Variants in ODF2 observed in about 807,000 individuals in gnomAD.
ODF2 encodes outer dense fiber protein 2.
ODF2 carries 47 observed loss-of-function variants against 110.2 expected under a neutral mutation model. That is an observed-to-expected ratio of 0.43 (90% CI 0.34 to 0.54). The LOEUF (loss-of-function observed/expected upper bound fraction) is 0.54, where lower values mean the gene tolerates loss of function less well. Among genes scored for constraint, ODF2 ranks in the 20% least tolerant of loss-of-function variants. The pLI is 0.03. For synonymous variants in ODF2, 352 were observed against 397.7 expected, an observed-to-expected ratio of 0.89 and a Z score of 1.37; for missense variants, 812 against 1,054.5, an observed-to-expected ratio of 0.77 and a Z score of 3.19.
chr9:128,467,941 C>T (rs768127111), intron 4 of ODF2, among the ~76,000 whole-genome samples: 13 of 152,086 alleles, frequency 8.5e-5, no homozygotes, highest in Admixed American at 6.6e-5. Context: ...GTGATCCGCC[C>T]GCCTTGGCCT....
intron 13 of ODF2, among the ~76,000 whole-genome samples, chr9:128,486,717 T>C (rs1376697793): frequency 1.3e-5 from 2 of 152,150 alleles, no homozygotes; most frequent in Non-Finnish European, 2.9e-5. Context: ...GCTTCTAAGT[T>C]GGCGTCTTTC....
rs369649397 is a variant in ODF2, at chr9:128,492,830, T to C, written c.1752+25T>C. 91 of 1,577,948 alleles carry C rather than the reference T, an allele frequency of 5.8e-5. No individual in the cohort carries two copies. In the African/African-American group the frequency reaches 1.1e-3, roughly 19 times the overall value. On this transcript the variant is annotated intron_variant, in intron 16 of 20. Coordinates refer to ENST00000604420, the Ensembl canonical transcript of ODF2. ...GGTACTGCTTTCCTTCCTTGTTTTC[T>C]TCTCCTACCCAATTCCATATCTAAC...
chr9:128,476,128 A>G (rs1028019479), intron 8 of ODF2, among the ~76,000 whole-genome samples: 1 of 152,030 alleles, frequency 6.6e-6, no homozygotes, highest in Non-Finnish European at 1.5e-5. Context: ...GTTGATGGAC[A>G]CTTAGGTTGA....
exon 3 of ODF2, chr9:128,459,629 C>A (rs754240664): frequency 6.2e-7 from 1 of 1,613,904 alleles, no homozygotes; most frequent in Admixed American, 1.7e-5. Flanking sequence ...TTGAGAGCAC[C>A]TTGTGGCGCA....
At position 128,460,597 on chromosome 9, in the gene ODF2, C is replaced by T. The variant is rs148610800; in HGVS notation, c.124-345C>T. ...CTTCAACTCCCCCCTTACATGTTCA[C>T]GTGGATGAGAACACCCCTGTCCACG... On this transcript the variant is annotated intron_variant, in intron 3 of 20. Coordinates refer to ENST00000604420, the Ensembl canonical transcript of ODF2. The T allele has an allele frequency of 6.2e-6, 10 of 1,613,832 alleles. No homozygotes were observed. In the African/African-American group the frequency reaches 6.7e-5, roughly 11 times the overall value.
intron 8 of ODF2, among the ~76,000 whole-genome samples, chr9:128,480,771 C>T (rs1356255992): frequency 6.6e-6 from 1 of 152,056 alleles, no homozygotes; most frequent in Non-Finnish European, 1.5e-5. Flanking sequence ...GAGCCGAGAT[C>T]GTGCCATCGC....
chr9:128,482,780 T>C (rs1157631125), intron 9 of ODF2, 36 bp from the exon 10 acceptor site: 1 of 1,589,370 alleles, frequency 6.3e-7, no homozygotes, highest in Non-Finnish European at 8.6e-7. Flanking sequence ...TCTTTGCCCT[T>C]CCCAGGGGCA....
At position 128,484,693 on chromosome 9, in the gene ODF2, C is replaced by G. The variant is rs1436641881; in HGVS notation, c.1105-8C>G. 2 of 1,555,158 alleles carry G rather than the reference C, an allele frequency of 1.3e-6. No homozygotes were observed. The highest frequency in any genetic ancestry group is 1.7e-6 in the Non-Finnish European group (2 of 1,148,906). ...CTCCCTCTCTTTCTCACCCCTTCCCCCTTCCAGAATCTGGAGCGCAGCGGG... is the reference window on the plus strand; with the variant it reads ...CTCCCTCTCTTTCTCACCCCTTCCCGCTTCCAGAATCTGGAGCGCAGCGGG... On this transcript the variant is annotated splice_polypyrimidine_tract_variant and splice_region_variant and intron_variant, in intron 11 of 20. Transcript: ENST00000604420.
At chr9:128,471,280 T>C (rs747612814) in intron 5 of ODF2, 28 bp from the exon 6 acceptor site, 8 of 1,582,600 alleles carry the variant, frequency 5.1e-6, no homozygotes, top group Non-Finnish European at 1.7e-6. Context: ...CTCCCTTCAG[T>C]GGCCCCTGCC....
intron 2 of ODF2, chr9:128,457,509 G>GC: frequency 6.7e-7 from 1 of 1,491,232 alleles, no homozygotes. Context: ...GGGCAGGCTC[G>GC]CCTGAGGCTT....
At position 128,498,921 on chromosome 9, in the gene ODF2, T is replaced by C. The variant is rs1432949912; in HGVS notation, c.2176-80T>C. The C allele has an allele frequency of 1.9e-6, 3 of 1,572,768 alleles. No individual in the cohort carries two copies. The African/African-American group carries it at 4.0e-5, about 21-fold the overall frequency. On this transcript the variant is annotated intron_variant, in intron 19 of 20. Transcript: ENST00000604420. ...TGCAAGTGCTGTCTGCAAGACCAGA[T>C]AGTGGGCCCAGCCTTCTCTTTGCCA... is the stretch of plus-strand genomic sequence containing the variant.
At position 128,460,996 on chromosome 9, in the gene ODF2, C is replaced by A. The variant is rs373404191; in HGVS notation, c.178C>A (p.Arg60=). 4.3e-6 allele frequency: 7 copies of A among 1,614,100 alleles called. No individual in the cohort carries two copies. The South Asian group carries it at 7.7e-5, about 18-fold the overall frequency. Residue 60 remains arginine, a synonymous_variant, in exon 4 of 21, where the codon CGG becomes AGG. Transcript: ENST00000604420. ...CACTGTGAATGTGCGGCGGAGTGTCCGGGTGAAAACCAAGGTACCTTGGAT... is the reference window on the plus strand; with the variant it reads ...CACTGTGAATGTGCGGCGGAGTGTCAGGGTGAAAACCAAGGTACCTTGGAT...
rs1845827650 is a variant in ODF2 at position 128,497,449 on chromosome 9, ATATATATATATAT to A, written c.2013-963_2013-951del. On this transcript the variant is annotated intron_variant, in intron 18 of 20. Transcript: ENST00000604420. ...AAAAAAAAAAAAAAAAAAAAAAAAT[ATATATATATATAT>A]ATATATATATATATATATATATATG... The A allele has an allele frequency of 3.8e-4, 20 of 52,136 alleles. 1 individual carries two copies. The highest frequency in any genetic ancestry group is 3.5e-4 in the Non-Finnish European group (11 of 31,616). The allele number at this position is 52,136 out of a possible 1,614,324, so 3.2% of individuals were successfully genotyped here. A position where few individuals can be genotyped will look rare whatever the true frequency, so the allele number is the denominator to read the frequency against.
At chr9:128,469,699 G>A (rs1232107126) in intron 5 of ODF2, among the ~76,000 whole-genome samples, 1 of 151,804 alleles carries the variant, frequency 6.6e-6, no homozygotes, top group African/African-American at 2.4e-5. Flanking sequence ...TTTATATAAG[G>A]TTTAACAAAA....
intron 4 of ODF2, among the ~76,000 whole-genome samples, chr9:128,465,844 G>T (rs1446914902): frequency 6.6e-6 from 1 of 151,432 alleles, no homozygotes. Context: ...AAAATTTCTT[G>T]TTGAAAAGTA....
intron 19 of ODF2, 122 bp from the exon 20 acceptor site, chr9:128,498,879 C>A: frequency 1.5e-6 from 2 of 1,325,320 alleles, no homozygotes; most frequent in Non-Finnish European, 2.1e-6. Flanking sequence ...TTCTAGAGAA[C>A]ACAGTCCACA....
chr9:128,455,906 G>C, upstream of ODF2: 1 of 1,332,508 alleles, frequency 7.5e-7, no homozygotes, highest in Non-Finnish European at 9.8e-7. Flanking sequence ...GGCCGAGCGG[G>C]AAAGGCCTTG....
chr9:128,461,936 C>T (rs1183835888), intron 4 of ODF2, among the ~76,000 whole-genome samples: 2 of 152,134 alleles, frequency 1.3e-5, no homozygotes, highest in Non-Finnish European at 2.9e-5. Context: ...GGAAACTGCT[C>T]TGACCAGTAC....
chr9:128,465,270 C>G (rs1473666550), intron 4 of ODF2, among the ~76,000 whole-genome samples: 1 of 152,194 alleles, frequency 6.6e-6, no homozygotes, highest in Non-Finnish European at 1.5e-5. Context: ...TAACTCAACC[C>G]TGTCCTTCAT....
Sources: allele counts gnomAD v4.1 joint callset (sites outside exome capture counted in the v4.1 genomes callset), GRCh38; gene constraint gnomAD v4.1.1; transcripts MANE v1.5; gene names NCBI Gene and HGNC (gene_info 2026-07-23, HGNC 2026-07-21).